The following FRAS1 variants were observed in gnomAD, a reference collection of about 807,000 sequenced individuals.
The protein encoded by FRAS1 is extracellular matrix organizing protein FRAS1.
Under a neutral mutation model 435.2 loss-of-function variants are expected in FRAS1, and 290 were observed. That is an observed-to-expected ratio of 0.67 (90% CI 0.61 to 0.73). The LOEUF (loss-of-function observed/expected upper bound fraction) is 0.73. Ranked by LOEUF, FRAS1 falls within the 30% of genes least tolerant of loss-of-function variation. The probability of loss-of-function intolerance (pLI) is 0.00; values close to 1 mark genes in which losing one functional copy is unlikely to be tolerated. For missense variants in FRAS1, 4,860 were observed against 5,001.5 expected (o/e 0.97, Z 0.85); for synonymous variants, 1,800 against 1,851.0 (o/e 0.97, Z 0.71).
chr4:78,278,459 C>G (rs1326663106), intron 9 of FRAS1, among the ~76,000 whole-genome samples, 196 bp from the exon 10 acceptor site: 1 of 152,154 alleles, frequency 6.6e-6, no homozygotes, highest in African/African-American at 2.4e-5. Context: ...AGAAAAAGCA[C>G]ATGGAGGAGT....
intron 31 of FRAS1, among the ~76,000 whole-genome samples, chr4:78,410,578 C>T (rs1243704216): frequency 1.3e-5 from 2 of 152,100 alleles, no homozygotes. Context: ...GTGAAATTGC[C>T]TTCAAAGTGA....
chr4:78,495,138 A>T (rs1720475495), intron 59 of FRAS1, among the ~76,000 whole-genome samples: 1 of 151,850 alleles, frequency 6.6e-6, no homozygotes, highest in South Asian at 2.1e-4. Flanking sequence ...GCTTATTTTT[A>T]TCCTTTGTTT....
chr4:78,114,260 CG>C (rs1232863216), intron 2 of FRAS1, among the ~76,000 whole-genome samples: 2 of 151,966 alleles, frequency 1.3e-5, no homozygotes, highest in Non-Finnish European at 2.9e-5. Context: ...AGTCAGGTAG[CG>C]TGATGCCTCC....
chr4:78,431,278 A>G (rs1164815801), intron 37 of FRAS1, among the ~76,000 whole-genome samples: 1 of 152,224 alleles, frequency 6.6e-6, no homozygotes, highest in Non-Finnish European at 1.5e-5. Context: ...AAGAAATGTC[A>G]TTAGAATAGA....
intron 30 of FRAS1, among the ~76,000 whole-genome samples, chr4:78,401,473 G>A (rs1732889889): frequency 6.6e-6 from 1 of 152,188 alleles, no homozygotes; most frequent in African/African-American, 2.4e-5. Context: ...CAGCAACAAA[G>A]AGGACACTGA....
chr4:78,456,583 A>G, intron 47 of FRAS1, among the ~76,000 whole-genome samples: 1 of 152,198 alleles, frequency 6.6e-6, no homozygotes, highest in African/African-American at 2.4e-5. Flanking sequence ...GAGGAGTAAT[A>G]TTGGAATATA....
intron 2 of FRAS1, among the ~76,000 whole-genome samples, chr4:78,137,317 G>C (rs1173333927): frequency 6.6e-6 from 1 of 152,100 alleles, no homozygotes; most frequent in African/African-American, 2.4e-5. Context: ...AATAATTCTT[G>C]TTAAATGTTA....
intron 40 of FRAS1, among the ~76,000 whole-genome samples, chr4:78,440,211 T>C (rs2109825033): frequency 6.6e-6 from 1 of 151,696 alleles, no homozygotes; most frequent in African/African-American, 2.4e-5. Flanking sequence ...TTTTTGTATT[T>C]TTAGTAGAGA....
intron 3 of FRAS1, among the ~76,000 whole-genome samples, chr4:78,238,782 G>A (rs1028344751): frequency 6.6e-6 from 1 of 152,140 alleles, no homozygotes; most frequent in African/African-American, 2.4e-5. Context: ...GAAGAATTGT[G>A]TTATCATGGA....
At chr4:78,355,264 A>T (rs984418266) in intron 20 of FRAS1, among the ~76,000 whole-genome samples, 1 of 138,580 alleles carries the variant, frequency 7.2e-6, no homozygotes, top group African/African-American at 2.4e-5. Context: ...ATTAGCAAGG[A>T]GGTACATATA....
intron 8 of FRAS1, 59 bp downstream of exon 8, chr4:78,266,994 CA>C: frequency 8.2e-7 from 1 of 1,223,256 alleles, no homozygotes; most frequent in Non-Finnish European, 1.2e-6. Context: ...TTAAGGAATG[CA>C]CTTCTTATTC....
chr4:78,182,730 A>G (rs1052023522), intron 2 of FRAS1, among the ~76,000 whole-genome samples: 1 of 152,022 alleles, frequency 6.6e-6, no homozygotes, highest in Non-Finnish European at 1.5e-5. Context: ...ATACAAAAAA[A>G]TTAGCTGGAC....
intron 61 of FRAS1, among the ~76,000 whole-genome samples, chr4:78,505,941 G>A (rs908469788): frequency 6.6e-6 from 1 of 152,184 alleles, no homozygotes; most frequent in African/African-American, 2.4e-5. Context: ...TGTTGATGTT[G>A]CTGCTATTCC....
chr4:78,298,028 C>A (rs28577212), intron 14 of FRAS1, among the ~76,000 whole-genome samples: 1,619 of 101,750 alleles, frequency 0.016, 11 homozygotes, highest in East Asian at 0.04. Flanking sequence ...CTCTCTCTCT[C>A]TCTATATATA....
intron 20 of FRAS1, among the ~76,000 whole-genome samples, chr4:78,342,738 T>C (rs970838596): frequency 6.6e-6 from 1 of 152,158 alleles, no homozygotes; most frequent in Non-Finnish European, 1.5e-5. Flanking sequence ...TTTTAAACAA[T>C]GCTTTGAGTT....
In FRAS1 at chr4:78,305,282, G is replaced by C. The variant is rs1359621975; in HGVS notation, c.1535-2784G>C. On this transcript the variant is annotated intron_variant, in intron 14 of 73. Transcript: ENST00000512123. ...TTGCTGAGGAGAGCTTTACTTCCAA[G>C]TATGTGGTCAGTTTTGGAATAGGTG... is the stretch of plus-strand genomic sequence containing the variant. Among the ~76,000 whole-genome samples, 14 of 151,962 alleles carry C rather than the reference G, an allele frequency of 9.2e-5. No individual in the cohort carries two copies. The East Asian group carries it at 1.9e-3, about 21-fold the overall frequency.
chr4:78,278,701 T>A lies in FRAS1; in HGVS notation c.1028T>A (p.Ile343Asn). ...GATGGAAAGTGTTGTCCTGAATGCA[T>A]TTCAAGGAATGGTTATTGTGTTTAT... ...HLDGKCCPEC[I>N]SRNGYCVYEE... The change falls in exon 10 of 74, where the codon ATT (isoleucine) becomes AAT (asparagine). Residue 343 changes from isoleucine to asparagine, a missense_variant. Ile to Asn is a moderately radical substitution (Grantham distance 149, BLOSUM62 -3). Transcript: ENST00000512123. The A allele has an allele frequency of 6.2e-7, 1 of 1,607,730 alleles. No homozygotes were observed. The highest frequency in any genetic ancestry group is 8.5e-7 in the Non-Finnish European group (1 of 1,174,736).
intron 37 of FRAS1, among the ~76,000 whole-genome samples, chr4:78,431,625 A>G (rs2110388919): frequency 6.6e-6 from 1 of 152,312 alleles, no homozygotes; most frequent in Non-Finnish European, 1.5e-5. Flanking sequence ...GTTCTGTGAA[A>G]TCATTAGGGC....
In FRAS1 at chr4:78,357,871, A is replaced by G. The variant is rs558039322; in HGVS notation, c.2423-5642A>G. Among the ~76,000 whole-genome samples, 17 of 152,320 alleles carry G rather than the reference A, an allele frequency of 1.1e-4. No homozygotes were observed. The South Asian group carries it at 3.1e-3, about 28-fold the overall frequency. ...AGATATGATTTTGCCTCTGTACTCC[A>G]GTGTGGGCAACAGAGGGACACTTTG... is the stretch of plus-strand genomic sequence containing the variant. On this transcript the variant is annotated intron_variant, in intron 20 of 73. Transcript: ENST00000512123.
Sources: allele counts gnomAD v4.1 joint callset (sites outside exome capture counted in the v4.1 genomes callset), GRCh38; gene constraint gnomAD v4.1.1; transcripts MANE v1.5; gene names NCBI Gene and HGNC (gene_info 2026-07-23, HGNC 2026-07-21).